The following BEAN1 variants were observed in gnomAD, a reference collection of about 807,000 sequenced individuals.
The protein encoded by BEAN1 is protein BEAN1.
Under a neutral mutation model 17.7 loss-of-function variants are expected in BEAN1, and 17 were observed. The ratio of observed to expected loss-of-function variants is 0.96; its 90% CI spans 0.66 to 1.44. The LOEUF (loss-of-function observed/expected upper bound fraction) is 1.44. Among genes scored for constraint, BEAN1 ranks in the 40% most tolerant of loss-of-function variants. BEAN1 has a pLI of 0.00. For missense variants in BEAN1, 359 were observed against 374.1 expected (o/e 0.96, Z 0.33); for synonymous variants, 142 against 151.8 (o/e 0.94, Z 0.47).
At chr16:66,460,647 G>T (rs1352504942) in intron 2 of BEAN1, among the ~76,000 whole-genome samples, 1 of 152,196 alleles carries the variant, frequency 6.6e-6, no homozygotes, top group Non-Finnish European at 1.5e-5. Context: ...AATAGCCCCA[G>T]GTCATGGCTG....
chr16:66,470,811 A>C (rs1446453944), intron 3 of BEAN1, among the ~76,000 whole-genome samples: 1 of 152,228 alleles, frequency 6.6e-6, no homozygotes, highest in East Asian at 1.9e-4. Context: ...GCAGGAAAAA[A>C]TTCAATTGCA....
chr16:66,465,305 G>A (rs959944089), intron 2 of BEAN1, among the ~76,000 whole-genome samples: 1 of 151,994 alleles, frequency 6.6e-6, no homozygotes, highest in Non-Finnish European at 1.5e-5. Flanking sequence ...GTATTTTGTT[G>A]GGGATTTTTG....
rs529847881 is a variant in BEAN1 at position 66,471,173 on chromosome 16, G to T, written c.289+1308G>T. Among the ~76,000 whole-genome samples, 1 of 152,242 alleles carries T rather than the reference G, an allele frequency of 6.6e-6. No individual in the cohort carries two copies. Among genetic ancestry groups the T allele is most frequent in the Non-Finnish European group, 1.5e-5 (1 of 68,054 alleles). On this transcript the variant is annotated intron_variant, in intron 3 of 4. Transcript: ENST00000536005. This position sits in a 1 kb window ranked among gnomAD's most constrained non-coding sequence, Gnocchi z 4.7. ...CTCCTCCCCCTCCCAGACACACCCT[G>T]ATTAGCCAGGTTTGGGGTATTTCCT...
intron 1 of BEAN1, among the ~76,000 whole-genome samples, chr16:66,437,290 T>C (rs1373918587): frequency 6.6e-6 from 1 of 151,256 alleles, no homozygotes; most frequent in Non-Finnish European, 1.5e-5. Flanking sequence ...GATCTCACAT[T>C]TTCATCATGA....
chr16:66,477,489 G>A (rs1181129469), intron 3 of BEAN1, 71 bp from the exon 4 acceptor site: 11 of 1,382,060 alleles, frequency 8.0e-6, no homozygotes, highest in Non-Finnish European at 1.9e-6. Context: ...GCCCCAGGTA[G>A]ACCTACAGAC....
chr16:66,461,808 T>C (rs1373883973), intron 2 of BEAN1, among the ~76,000 whole-genome samples: 1 of 152,088 alleles, frequency 6.6e-6, no homozygotes, highest in African/African-American at 2.4e-5. Flanking sequence ...CCCCTCACAC[T>C]ACCCTCCCTA....
intron 1 of BEAN1, among the ~76,000 whole-genome samples, chr16:66,433,542 C>T (rs992151801): frequency 6.6e-6 from 1 of 152,188 alleles, no homozygotes; most frequent in African/African-American, 2.4e-5. Context: ...GTTTCCCTCA[C>T]CTGGCGCCCC....
chr16:66,465,994 A>G (rs141115118), intron 2 of BEAN1, among the ~76,000 whole-genome samples: 2 of 152,320 alleles, frequency 1.3e-5, no homozygotes, highest in Non-Finnish European at 2.9e-5. Flanking sequence ...TTGTATTTTT[A>G]GTAGAGATGG....
rs1307980909 is a variant in BEAN1 at position 66,471,335 on chromosome 16, C to A, written c.289+1470C>A. Among the ~76,000 whole-genome samples the A allele has an allele frequency of 6.6e-6, 1 of 152,214 alleles. No homozygotes were observed. The highest frequency in any genetic ancestry group is 2.4e-5 in the African/African-American group (1 of 41,442). On this transcript the variant is annotated intron_variant, in intron 3 of 4. Coordinates refer to ENST00000536005, the MANE Select transcript of BEAN1 (RefSeq NM_001178020.3). This position sits in a 1 kb window ranked among gnomAD's most constrained non-coding sequence, Gnocchi z 4.7. ...GGCGCTGTCTGTGCACATAATCTCA[C>A]TGCAAAATCCTCACCATGGTCCTAG...
At chr16:66,453,461 C>A (rs1962752466) in intron 2 of BEAN1, among the ~76,000 whole-genome samples, 1 of 151,758 alleles carries the variant, frequency 6.6e-6, no homozygotes, top group Non-Finnish European at 1.5e-5. Context: ...TGGGCTCAAG[C>A]AGTCCTCCCA....
At chr16:66,443,732 C>T (rs1419527006) in intron 2 of BEAN1, among the ~76,000 whole-genome samples, 2 of 152,152 alleles carry the variant, frequency 1.3e-5, no homozygotes, top group South Asian at 2.1e-4. Context: ...TGGAGTGCAG[C>T]GGCACAATCT....
Position 66,437,635 on chromosome 16 carries a change from C to T in BEAN1, c.-42C>T, listed in dbSNP as rs1214698699. ...TTCCCTGCGAGAAGTCAGAGCTGTGCCCGTGGGCAGGCTGGCTCCGCTGTT... is the reference window on the plus strand; with the variant it reads ...TTCCCTGCGAGAAGTCAGAGCTGTGTCCGTGGGCAGGCTGGCTCCGCTGTT... On this transcript the variant is annotated 5_prime_UTR_variant, in exon 2 of 5. Coordinates refer to ENST00000536005, the MANE Select transcript of BEAN1 (RefSeq NM_001178020.3). 1 of 1,532,796 alleles carries T rather than the reference C, an allele frequency of 6.5e-7. No individual in the cohort carries two copies. The highest frequency in any genetic ancestry group is 8.7e-7 in the Non-Finnish European group (1 of 1,144,346). The allele number at this position is 1,532,796 out of a possible 1,614,324, so 94.9% of individuals were successfully genotyped here. A position where few individuals can be genotyped will look rare whatever the true frequency, so the allele number is the denominator to read the frequency against.
At chr16:66,463,462 G>C (rs1470061136) in intron 2 of BEAN1, among the ~76,000 whole-genome samples, 1 of 152,166 alleles carries the variant, frequency 6.6e-6, no homozygotes, top group Non-Finnish European at 1.5e-5. Flanking sequence ...TGTCTGTTCA[G>C]ATCTTTTGAC....
intron 2 of BEAN1, 150 bp from the exon 3 acceptor site, chr16:66,469,452 C>A: frequency 1.0e-6 from 1 of 977,752 alleles, no homozygotes; most frequent in Non-Finnish European, 1.5e-6. Flanking sequence ...CCTTCTCCCC[C>A]AGGAGCAGCC....
rs531028474 is a variant in BEAN1, at chr16:66,430,006, G to A, written c.-83+2575G>A. On this transcript the variant is annotated intron_variant, in intron 1 of 4. Transcript: ENST00000536005. ...CAGCCTCCTAAAGGGAGAAACTGAG[G>A]CCAGGAGGGCTTCTGCAGTCCATTA... 2.0e-5 allele frequency among the ~76,000 whole-genome samples: 3 copies of A among 152,322 alleles called. No homozygotes were observed. In the South Asian group the frequency reaches 6.2e-4, roughly 32 times the overall value.
Position 66,471,094 on chromosome 16 carries a change from A to G in BEAN1, c.289+1229A>G, listed in dbSNP as rs1963465618. The stretch of plus-strand genomic sequence containing the variant: ...AAGCTTGGGGAAAAGAAAGATAGGA[A>G]AAATTTTTAAAATAGATTGAATTGG... On this transcript the variant is annotated intron_variant, in intron 3 of 4. Transcript: ENST00000536005. The surrounding 1 kb of genome is among the most constrained non-coding windows in gnomAD (Gnocchi z 4.7). Among the ~76,000 whole-genome samples the G allele has an allele frequency of 1.3e-5, 2 of 152,220 alleles. No individual in the cohort carries two copies. The highest frequency in any genetic ancestry group is 2.9e-5 in the Non-Finnish European group (2 of 68,030).
At chr16:66,472,753 C>T (rs1963531277) in intron 3 of BEAN1, among the ~76,000 whole-genome samples, 1 of 152,068 alleles carries the variant, frequency 6.6e-6, no homozygotes, top group African/African-American at 2.4e-5. Context: ...GGTGCCATGG[C>T]TCACACCTGT....
At chr16:66,438,190 C>G (rs994758779) in intron 2 of BEAN1, among the ~76,000 whole-genome samples, 1 of 152,044 alleles carries the variant, frequency 6.6e-6, no homozygotes, top group African/African-American at 2.4e-5. Context: ...TCGAGACCAG[C>G]CTGGCCAACA....
At chr16:66,453,543 G>A (rs931015098) in intron 2 of BEAN1, among the ~76,000 whole-genome samples, 3 of 151,900 alleles carry the variant, frequency 2.0e-5, no homozygotes, top group East Asian at 1.9e-4. Context: ...TTATTTTTTT[G>A]TATATACAGG....
Sources: allele counts gnomAD v4.1 joint callset (sites outside exome capture counted in the v4.1 genomes callset), GRCh38; gene constraint gnomAD v4.1.1; non-coding constraint Gnocchi (gnomAD v3.1); transcripts MANE v1.5; gene names NCBI Gene and HGNC (gene_info 2026-07-23, HGNC 2026-07-21).